Variants in RNLS observed in about 807,000 individuals in gnomAD.
RNLS encodes renalase, FAD dependent amine oxidase, also known as renalase.
Under a neutral mutation model 39.8 loss-of-function variants are expected in RNLS, and 39 were observed. That is an observed-to-expected ratio of 0.98 (90% confidence interval 0.76 to 1.28). The LOEUF is 1.28. Among genes scored for constraint, RNLS ranks in the 50% most tolerant of loss-of-function variants. The probability of loss-of-function intolerance (pLI) is 0.00; values close to 1 mark genes in which losing one functional copy is unlikely to be tolerated. For synonymous variants in RNLS, 147 were observed against 150.7 expected (o/e 0.98, Z 0.18); for missense variants, 410 against 413.3 (o/e 0.99, Z 0.07).
downstream of RNLS, among the ~76,000 whole-genome samples, chr10:88,282,895 G>A (rs530539777): frequency 5.9e-5 from 9 of 152,164 alleles, no homozygotes; most frequent in African/African-American, 7.2e-5. Context: ...CAGCTAACAA[G>A]TATTAAATCA....
At chr10:88,233,624 T>G in the RNLS span, among the ~76,000 whole-genome samples, 2,991 of 152,322 alleles carry the variant, frequency 0.02, 41 homozygotes, top group Non-Finnish European at 0.031. Context: ...TAGAAGATTA[T>G]GCGTTATTTA....
the RNLS span, among the ~76,000 whole-genome samples, chr10:88,240,709 T>C: frequency 6.6e-6 from 1 of 152,134 alleles, no homozygotes; most frequent in East Asian, 1.9e-4. Flanking sequence ...AGAGCTTTTC[T>C]CCAGCCTTTG....
At chr10:88,192,641 A>C in the RNLS span, among the ~76,000 whole-genome samples, 10 of 152,312 alleles carry the variant, frequency 6.6e-5, no homozygotes, top group Admixed American at 6.5e-4. Context: ...GAATGCGTTC[A>C]TGGAACATAG....
In RNLS at chr10:88,440,558, C is replaced by A. The variant is rs184517274; in HGVS notation, c.527-77833G>T. Among the ~76,000 whole-genome samples, 343 of 152,326 alleles carry A rather than the reference C, an allele frequency of 2.3e-3. 3 individuals are homozygous for A. The highest frequency in any genetic ancestry group is 6.9e-3 in the African/African-American group (286 of 41,564). On this transcript the variant is annotated intron_variant, in intron 4 of 6. Coordinates refer to ENST00000331772, the MANE Select transcript of RNLS (RefSeq NM_001031709.3). ...AGCTGATTCACTGGCCATATCATGT[C>A]CCCCTAGGCTAAATTCTTTGTATCC...
At chr10:88,326,011 A>T (rs774935552) in intron 5 of RNLS, among the ~76,000 whole-genome samples, 1 of 152,148 alleles carries the variant, frequency 6.6e-6, no homozygotes, top group African/African-American at 2.4e-5. Context: ...TTCCGCCATG[A>T]TTGTAAATTC....
intron 6 of RNLS, among the ~76,000 whole-genome samples, chr10:88,290,691 C>T (rs886134278): frequency 2.0e-5 from 3 of 152,174 alleles, no homozygotes; most frequent in Admixed American, 6.5e-5. Context: ...TCTAAAGGCT[C>T]GCATTTAGAG....
the RNLS span, among the ~76,000 whole-genome samples, chr10:88,200,179 G>C: frequency 6.6e-6 from 1 of 152,094 alleles, no homozygotes; most frequent in African/African-American, 2.4e-5. Context: ...CAGAGGTGAG[G>C]GACTCCTGAA....
At chr10:88,223,817 C>T in the RNLS span, among the ~76,000 whole-genome samples, 3 of 152,226 alleles carry the variant, frequency 2.0e-5, no homozygotes, top group Middle Eastern at 6.8e-3. Flanking sequence ...CATGTTTGCA[C>T]ACTCGAGAGC....
At chr10:88,573,171 T>C in intron 3 of RNLS, 110 bp from the exon 4 acceptor site, 2 of 903,566 alleles carry the variant, frequency 2.2e-6, no homozygotes, top group South Asian at 3.8e-5. Context: ...TGGCCAAGAC[T>C]GTCTTCTACT....
At chr10:88,377,706 G>A (rs1355533712) in intron 4 of RNLS, among the ~76,000 whole-genome samples, 1 of 152,236 alleles carries the variant, frequency 6.6e-6, no homozygotes, top group Admixed American at 6.5e-5. Flanking sequence ...GGGTGAGTCA[G>A]TGAGTCAATG....
At chr10:88,250,257 A>G in the RNLS span, among the ~76,000 whole-genome samples, 4 of 152,230 alleles carry the variant, frequency 2.6e-5, no homozygotes, top group Non-Finnish European at 5.9e-5. Context: ...AGAACACAGC[A>G]GACAATAATA....
chr10:88,218,556 TG>T, the RNLS span, among the ~76,000 whole-genome samples: 1 of 152,200 alleles, frequency 6.6e-6, no homozygotes, highest in South Asian at 2.1e-4. Context: ...GACGGCTGGC[TG>T]GGCCCTGGAA....
intron 4 of RNLS, among the ~76,000 whole-genome samples, chr10:88,454,165 G>C (rs1023053933): frequency 6.6e-6 from 1 of 152,208 alleles, no homozygotes; most frequent in African/African-American, 2.4e-5. Context: ...GTTGGTGAGA[G>C]AAGAGATAAT....
At chr10:88,410,484 G>C (rs928093759) in intron 4 of RNLS, among the ~76,000 whole-genome samples, 1 of 152,106 alleles carries the variant, frequency 6.6e-6, no homozygotes, top group Non-Finnish European at 1.5e-5. Flanking sequence ...GAAATGTGCT[G>C]TAACAACTGT....
intron 4 of RNLS, among the ~76,000 whole-genome samples, chr10:88,561,201 G>C (rs967108092): frequency 7.9e-5 from 12 of 152,128 alleles, no homozygotes; most frequent in African/African-American, 2.9e-4. Context: ...ATCCTCTCTA[G>C]ATAGACATGG....
In RNLS at chr10:88,569,340, C is replaced by T. The variant is rs548198464; in HGVS notation, c.526+3563G>A. Among the ~76,000 whole-genome samples the T allele has an allele frequency of 3.3e-4, 49 of 150,742 alleles. 1 individual carries two copies. The South Asian group carries it at 0.01, about 31-fold the overall frequency. On this transcript the variant is annotated intron_variant, in intron 4 of 6. Transcript: ENST00000331772. ...TGTCACTTTTTTTTTTTTGTAACAGCAAAGTTGTGAGAAATCGGAAGTTCT... is the reference window on the plus strand; with the variant it reads ...TGTCACTTTTTTTTTTTTGTAACAGTAAAGTTGTGAGAAATCGGAAGTTCT...
intron 4 of RNLS, among the ~76,000 whole-genome samples, chr10:88,419,733 G>A (rs768150813): frequency 3.3e-5 from 5 of 152,120 alleles, no homozygotes; most frequent in Admixed American, 1.3e-4. Context: ...GGCTGGGGGC[G>A]GTGGCTCACG....
chr10:88,316,979 GT>G (rs200542314), intron 5 of RNLS, among the ~76,000 whole-genome samples: 2,157 of 152,232 alleles, frequency 0.014, 20 homozygotes, highest in Middle Eastern at 0.037. Flanking sequence ...AAATAGAGCA[GT>G]ATAAAAAGCC....
chr10:88,456,359 A>G (rs1842626678), intron 4 of RNLS, among the ~76,000 whole-genome samples: 1 of 151,398 alleles, frequency 6.6e-6, no homozygotes, highest in African/African-American at 2.4e-5. Context: ...TTGATGATAT[A>G]TATAATATTT....
Sources: allele counts gnomAD v4.1 joint callset (sites outside exome capture counted in the v4.1 genomes callset), GRCh38; gene constraint gnomAD v4.1.1; transcripts MANE v1.5; gene names NCBI Gene and HGNC (gene_info 2026-07-23, HGNC 2026-07-21).